ANK3: variants seen among roughly 807,000 people sequenced by gnomAD.
ANK3 encodes the protein ankyrin 3.
ANK3 carries 57 observed loss-of-function variants against 370.9 expected under a neutral mutation model. That is an observed-to-expected ratio of 0.15 (90% CI 0.12 to 0.19). The LOEUF is 0.19. Among genes scored for constraint, ANK3 ranks in the 10% least tolerant of loss-of-function variants. The pLI is 1.00. For missense variants in ANK3, 4,439 were observed against 5,302.1 expected, an observed-to-expected ratio of 0.84 and a Z score of 5.06; for synonymous variants, 1,929 against 1,946.3, an observed-to-expected ratio of 0.99 and a Z score of 0.23.
intron 1 of ANK3, among the ~76,000 whole-genome samples, chr10:60,663,503 CAGAGGT>C (rs59428118): frequency 0.34 from 51,664 of 151,700 alleles, 8,913 homozygotes; most frequent in African/African-American, 0.38. Flanking sequence ...GAAGGGAAAG[CAGAGGT>C]AGTGACAGTG....
intron 1 of ANK3, among the ~76,000 whole-genome samples, chr10:60,332,862 G>T (rs1309746429): frequency 6.6e-5 from 10 of 152,112 alleles, no homozygotes; most frequent in Admixed American, 6.6e-4. Flanking sequence ...ACCGTAAAAA[G>T]TGGTTACAAG....
intron 17 of ANK3, among the ~76,000 whole-genome samples, chr10:60,184,801 A>G (rs2096282315): frequency 1.3e-5 from 2 of 152,242 alleles, no homozygotes; most frequent in Non-Finnish European, 2.9e-5. Flanking sequence ...GTCACACTGC[A>G]GTTTGGTATC....
intron 1 of ANK3, among the ~76,000 whole-genome samples, chr10:60,365,862 C>G (rs7894561): frequency 0.49 from 73,734 of 151,962 alleles, 18,952 homozygotes; most frequent in South Asian, 0.61. Context: ...TGACTCCTAA[C>G]CACCAAGATA....
At position 60,108,822 on chromosome 10, in the gene ANK3, C is replaced by A. The variant is rs2092447726; in HGVS notation, c.3173+8G>T. On this transcript the variant is annotated splice_region_variant and intron_variant, in intron 27 of 43. Transcript: ENST00000280772. Reference sequence around the variant, plus strand: ...AGGGCCAAGGTTAAAATTGACAAAACAACTTACCCTAAAAATTGTGCCCCT... The same window carrying A: ...AGGGCCAAGGTTAAAATTGACAAAAAAACTTACCCTAAAAATTGTGCCCCT... The A allele has an allele frequency of 1.2e-6, 2 of 1,611,926 alleles. No homozygotes were observed. Among genetic ancestry groups the A allele is most frequent in the Middle Eastern group, 3.3e-4 (2 of 6,044 alleles).
At chr10:60,561,668 G>T (rs2077337270) in intron 2 of ANK3, among the ~76,000 whole-genome samples, 1 of 152,146 alleles carries the variant, frequency 6.6e-6, no homozygotes, top group African/African-American at 2.4e-5. Context: ...AATCTTTAAA[G>T]TTCATGCCAA....
chr10:60,511,866 T>C (rs1362482716), intron 2 of ANK3, among the ~76,000 whole-genome samples: 1 of 151,806 alleles, frequency 6.6e-6, no homozygotes, highest in East Asian at 1.9e-4. Flanking sequence ...TAAAGAGAGA[T>C]TCAAATGCCT....
At chr10:60,550,323 G>C (rs745335715) in intron 2 of ANK3, among the ~76,000 whole-genome samples, 1 of 151,824 alleles carries the variant, frequency 6.6e-6, no homozygotes, top group Non-Finnish European at 1.5e-5. Flanking sequence ...TTCCTTTCCT[G>C]TAAGTAACTA....
At chr10:60,573,916 G>A (rs930345477) in intron 2 of ANK3, among the ~76,000 whole-genome samples, 3 of 152,120 alleles carry the variant, frequency 2.0e-5, no homozygotes, top group African/African-American at 7.2e-5. Flanking sequence ...TCCACACACA[G>A]TAACATTGTT....
At chr10:60,347,904 A>T (rs4948403) in intron 1 of ANK3, among the ~76,000 whole-genome samples, 106,060 of 151,936 alleles carry the variant, frequency 0.7, 38,293 homozygotes, top group South Asian at 0.91. Context: ...CTCTCAATAA[A>T]GTGTGCCTGT....
At chr10:60,539,025 A>G (rs1037586055) in intron 2 of ANK3, among the ~76,000 whole-genome samples, 2 of 151,918 alleles carry the variant, frequency 1.3e-5, no homozygotes, top group African/African-American at 4.8e-5. Flanking sequence ...GTGAATAAGT[A>G]GTAATAAAAG....
Position 60,108,925 on chromosome 10 carries a change from C to T in ANK3, c.3078G>A (p.Lys1026=). ...GGGGTGGGTTGGCCAGTTTATGTCT[C>T]TTTACCAAACGGCAGGTGATTCGAG... is the stretch of plus-strand genomic sequence containing the variant. ...APTRITCRLV[K]RHKLANPPPM... is the part of the protein sequence containing the mutation. Residue 1026 remains lysine, a synonymous_variant, in exon 27 of 44, where the codon AAG becomes AAA. Transcript: ENST00000280772. 1 of 1,614,080 alleles carries T rather than the reference C, an allele frequency of 6.2e-7. No homozygotes were observed. Among genetic ancestry groups the T allele is most frequent in the Non-Finnish European group, 8.5e-7 (1 of 1,179,966 alleles).
chr10:60,712,457 G>A (rs1339718891), intron 1 of ANK3, among the ~76,000 whole-genome samples: 5 of 152,118 alleles, frequency 3.3e-5, no homozygotes, highest in Non-Finnish European at 5.9e-5. Flanking sequence ...GTTAATGCAA[G>A]CCCTAGGGAA....
intron 2 of ANK3, among the ~76,000 whole-genome samples, chr10:60,447,955 G>C (rs981951572): frequency 6.6e-6 from 1 of 152,074 alleles, no homozygotes; most frequent in African/African-American, 2.4e-5. Context: ...CAAATATAGG[G>C]ACCCTTAAAA....
chr10:60,272,021 C>A (rs1013310095), intron 4 of ANK3, among the ~76,000 whole-genome samples: 3 of 151,602 alleles, frequency 2.0e-5, no homozygotes, highest in African/African-American at 7.3e-5. Context: ...CACTGTTACT[C>A]TGTTTTATCA....
At position 60,579,055 on chromosome 10, in the gene ANK3, A is replaced by C. The variant is rs548382862; in HGVS notation, c.96+36131T>G. Reference sequence around the variant, plus strand: ...TTAAAAGATTTTTCTGGCCGGGCGCAGTGGCTCACGCCTGTAATCCCAGCA... The same window carrying C: ...TTAAAAGATTTTTCTGGCCGGGCGCCGTGGCTCACGCCTGTAATCCCAGCA... On this transcript the variant is annotated intron_variant, in intron 2 of 43. Transcript: ENST00000373827. 9.7e-4 allele frequency among the ~76,000 whole-genome samples: 148 copies of C among 152,210 alleles called. 1 individual carries two copies. The highest frequency in any genetic ancestry group is 3.4e-3 in the African/African-American group (143 of 41,554).
chr10:60,085,156 C>T lies in ANK3; in HGVS notation c.3845+1G>A. ...CTTTTTGGAATCCTTTATTTCCATA[C>T]CTGGCTGAAACATTGGTTGTAAAGG... On this transcript the variant is annotated splice_donor_variant, in intron 31 of 43. Transcript: ENST00000280772. LOFTEE classifies it high-confidence loss of function. The T allele has an allele frequency of 6.2e-7, 1 of 1,606,918 alleles. No homozygotes were observed. The highest frequency in any genetic ancestry group is 8.5e-7 in the Non-Finnish European group (1 of 1,176,658).
At chr10:60,279,887 A>G (rs929042414) in intron 1 of ANK3, among the ~76,000 whole-genome samples, 8 of 152,194 alleles carry the variant, frequency 5.3e-5, no homozygotes, top group African/African-American at 1.9e-4. Flanking sequence ...AATTTCCTAT[A>G]AAGTATAGGC....
chr10:60,297,551 A>G (rs2042799667), intron 1 of ANK3, among the ~76,000 whole-genome samples: 1 of 152,166 alleles, frequency 6.6e-6, no homozygotes, highest in African/African-American at 2.4e-5. Flanking sequence ...TCTGAGGATC[A>G]TGATAAAACA....
chr10:60,409,655 T>C (rs1454286109), intron 2 of ANK3, among the ~76,000 whole-genome samples: 1 of 152,018 alleles, frequency 6.6e-6, no homozygotes. Flanking sequence ...CTTTGGGACT[T>C]CTCCTCTCCC....
Sources: gnomAD v4.1 joint callset for allele counts (sites outside exome capture counted in the v4.1 genomes callset) on GRCh38, gnomAD v4.1.1 for gene constraint, MANE v1.5 for transcripts, NCBI Gene and HGNC (gene_info 2026-07-23, HGNC 2026-07-21) for gene names.